The following ACO2 variants were observed in gnomAD, a reference collection of about 807,000 sequenced individuals.
ACO2 encodes aconitase 2, also known as aconitate hydratase, mitochondrial.
In ACO2, 31 loss-of-function variants were observed where a neutral mutation model predicts 84.5. The observed-to-expected ratio is 0.37, with a 90% CI of 0.28 to 0.50. ACO2 has a LOEUF of 0.50. ACO2 is among the 20% of genes least tolerant of loss of function. The pLI, the probability that ACO2 is intolerant of heterozygous loss-of-function variation, is 0.97. For synonymous variants in ACO2, 414 were observed against 412.7 expected, an observed-to-expected ratio of 1.00 and a Z score of -0.04; for missense variants, 685 against 1,029.3, an observed-to-expected ratio of 0.67 and a Z score of 4.58.
intron 1 of ACO2, among the ~76,000 whole-genome samples, chr22:41,485,515 A>G (rs1601886335): frequency 7.4e-6 from 1 of 134,432 alleles, no homozygotes; most frequent in Non-Finnish European, 1.5e-5. Context: ...ATCTCGGCTC[A>G]CTGCAGGCTC....
At chr22:41,498,423 C>T (rs918016556) in intron 1 of ACO2, among the ~76,000 whole-genome samples, 1 of 152,304 alleles carries the variant, frequency 6.6e-6, no homozygotes, top group African/African-American at 2.4e-5. Context: ...AAGCATTTAT[C>T]TCATATTTTT....
intron 2 of ACO2, among the ~76,000 whole-genome samples, chr22:41,503,599 G>C (rs1050174781): frequency 6.6e-6 from 1 of 152,198 alleles, no homozygotes; most frequent in Non-Finnish European, 1.5e-5. Flanking sequence ...AAAGTGCTGA[G>C]GTGACAGGTG....
intron 2 of ACO2, among the ~76,000 whole-genome samples, chr22:41,503,528 A>G (rs1420305587): frequency 2.6e-5 from 4 of 152,052 alleles, no homozygotes; most frequent in South Asian, 4.2e-4. Context: ...AAGGGGTTTC[A>G]CCATGTTAGC....
At chr22:41,482,124 G>A (rs918674945) in intron 1 of ACO2, among the ~76,000 whole-genome samples, 6 of 152,160 alleles carry the variant, frequency 3.9e-5, no homozygotes, top group South Asian at 2.1e-4. Flanking sequence ...TTCCCTCAGC[G>A]TTTGCCCACT....
At chr22:41,483,010 A>G (rs112439252) in intron 1 of ACO2, among the ~76,000 whole-genome samples, 3 of 152,164 alleles carry the variant, frequency 2.0e-5, no homozygotes, top group African/African-American at 7.2e-5. Context: ...GTCATGTTGA[A>G]CCAGGGGGCT....
At chr22:41,490,459 G>T (rs1226251228) in intron 1 of ACO2, among the ~76,000 whole-genome samples, 2 of 152,226 alleles carry the variant, frequency 1.3e-5, no homozygotes, top group Non-Finnish European at 2.9e-5. Context: ...AACAGCTGTA[G>T]AGTGGCATTC....
intron 15 of ACO2, 188 bp downstream of exon 15, chr22:41,526,641 C>G (rs923776677): frequency 7.2e-6 from 4 of 556,738 alleles, no homozygotes; most frequent in Non-Finnish European, 1.2e-5. Flanking sequence ...GGCCCAGGTC[C>G]GGTGGTACAG....
intron 14 of ACO2, 117 bp from the exon 15 acceptor site, chr22:41,526,145 C>T (rs2066589931): frequency 3.5e-6 from 3 of 863,332 alleles, no homozygotes; most frequent in Non-Finnish European, 3.6e-6. Flanking sequence ...TTGCCTGCCT[C>T]TCACCCCTCT....
intron 1 of ACO2, chr22:41,469,452 T>A (rs564648286): frequency 4.4e-6 from 2 of 453,234 alleles, no homozygotes; most frequent in East Asian, 7.2e-5. Context: ...GGCACCTCTT[T>A]CTTCTTTTTG....
chr22:41,528,884 A>G lies in ACO2; in HGVS notation c.*271A>G, dbSNP rs2066662625. ...ATTTTTGATGACAAGACTCCCATCTAAAGTTTTTCTCCTGCCTGATCATTT... is the reference window on the plus strand; with the variant it reads ...ATTTTTGATGACAAGACTCCCATCTGAAGTTTTTCTCCTGCCTGATCATTT... On this transcript the variant is annotated 3_prime_UTR_variant, in exon 18 of 18. Coordinates refer to ENST00000216254, the MANE Select transcript of ACO2 (RefSeq NM_001098.3). 3.8e-6 allele frequency: 2 copies of G among 522,966 alleles called. No homozygotes were observed. Among genetic ancestry groups the G allele is most frequent in the Non-Finnish European group, 3.4e-6 (1 of 297,524 alleles). 32.4% of individuals were successfully genotyped at this position (522,966 alleles called of 1,614,324 possible).
At chr22:41,524,058 C>T (rs2066552634) in intron 12 of ACO2, 117 bp downstream of exon 12, 1 of 824,766 alleles carries the variant, frequency 1.2e-6, no homozygotes, top group Non-Finnish European at 2.0e-6. Context: ...CCAGGAGCTA[C>T]AGGCCTTCCC....
At chr22:41,514,462 C>T (rs1326427402) in intron 4 of ACO2, among the ~76,000 whole-genome samples, 1 of 152,238 alleles carries the variant, frequency 6.6e-6, no homozygotes, top group African/African-American at 2.4e-5. Flanking sequence ...GGAAACTGAG[C>T]TCCGAGAGAA....
intron 1 of ACO2, among the ~76,000 whole-genome samples, chr22:41,478,153 C>CT (rs2146081395): frequency 6.6e-6 from 1 of 151,366 alleles, no homozygotes; most frequent in Admixed American, 6.6e-5. Context: ...TCAAGGAAAC[C>CT]TTTTTTTCAA....
intron 2 of ACO2, among the ~76,000 whole-genome samples, chr22:41,503,750 G>C (rs1190692418): frequency 6.6e-6 from 1 of 152,124 alleles, no homozygotes; most frequent in Non-Finnish European, 1.5e-5. Flanking sequence ...ACTTGGCTGG[G>C]GTTGGGGCTT....
chr22:41,526,639 T>A, intron 15 of ACO2, 186 bp downstream of exon 15: 1 of 571,596 alleles, frequency 1.7e-6, no homozygotes, highest in Admixed American at 3.2e-5. Flanking sequence ...GAGGCCCAGG[T>A]CCGGTGGTAC....
rs375450980 is a variant in ACO2, at chr22:41,515,952, C to G, written c.835+35C>G. On this transcript the variant is annotated intron_variant, in intron 6 of 17. Transcript: ENST00000216254. This position sits in a 1 kb window ranked among gnomAD's most constrained non-coding sequence, Gnocchi z 5.8. ...GCGGCCAGGCGACGTGGCCCCTACC[C>G]TGTGCTGGGCCTGATGGGTCTCCAG... The G allele has an allele frequency of 6.3e-7, 1 of 1,599,590 alleles. No homozygotes were observed. The highest frequency in any genetic ancestry group is 2.3e-5 in the East Asian group (1 of 44,004).
intron 2 of ACO2, among the ~76,000 whole-genome samples, chr22:41,500,517 T>C (rs1379017649): frequency 6.6e-6 from 1 of 151,652 alleles, no homozygotes; most frequent in Non-Finnish European, 1.5e-5. Flanking sequence ...CCTGAGTAGC[T>C]GCAATTACAG....
chr22:41,527,748 GA>G (rs2066633230), intron 16 of ACO2, 152 bp from the exon 17 acceptor site: 13 of 1,299,790 alleles, frequency 1.0e-5, no homozygotes, highest in Non-Finnish European at 1.4e-5. Context: ...CACCCCTAGT[GA>G]AAGGGAGCAG....
intron 1 of ACO2, among the ~76,000 whole-genome samples, chr22:41,477,919 G>A (rs2038038973): frequency 6.6e-6 from 1 of 151,936 alleles, no homozygotes; most frequent in Non-Finnish European, 1.5e-5. Flanking sequence ...ACAGATATGA[G>A]CCGGGCATGG....
Sources: gnomAD v4.1 joint callset for allele counts (sites outside exome capture counted in the v4.1 genomes callset) on GRCh38, gnomAD v4.1.1 for gene constraint, Gnocchi (gnomAD v3.1) non-coding constraint, MANE v1.5 for transcripts, NCBI Gene and HGNC (gene_info 2026-07-23, HGNC 2026-07-21) for gene names.